The following CWC27 variants were observed in gnomAD, a reference collection of about 807,000 sequenced individuals.
The protein encoded by CWC27 is CWC27 spliceosome associated cyclophilin, also known as spliceosome-associated protein CWC27 homolog.
CWC27 carries 47 observed loss-of-function variants against 63.6 expected under a neutral mutation model. The observed-to-expected ratio is 0.74, with a 90% CI of 0.58 to 0.94. CWC27 has a LOEUF of 0.94. CWC27 is among the 40% of genes least tolerant of loss of function. The probability of loss-of-function intolerance (pLI) is 0.00; values close to 1 mark genes in which losing one functional copy is unlikely to be tolerated. For synonymous variants in CWC27, 175 were observed against 179.8 expected (o/e 0.97, Z 0.22); for missense variants, 495 against 554.3 (o/e 0.89, Z 1.07).
At chr5:64,864,674 G>A (rs931019347) in intron 10 of CWC27, among the ~76,000 whole-genome samples, 2 of 152,066 alleles carry the variant, frequency 1.3e-5, no homozygotes, top group Non-Finnish European at 2.9e-5. Flanking sequence ...TACTTAAGTT[G>A]TTTTTAGTAG....
At chr5:64,783,001 T>C (rs1338544108) in intron 3 of CWC27, among the ~76,000 whole-genome samples, 1 of 152,186 alleles carries the variant, frequency 6.6e-6, no homozygotes, top group Non-Finnish European at 1.5e-5. Flanking sequence ...AATTTGAGAT[T>C]TTTGCTTCAT....
At chr5:64,885,654 T>C in intron 11 of CWC27, 108 bp downstream of exon 11, 1 of 767,706 alleles carries the variant, frequency 1.3e-6, no homozygotes. Flanking sequence ...CTCCTTTCCT[T>C]CTCATTTTTT....
rs748298401 is a variant in CWC27 at position 65,018,318 on chromosome 5, A to C, written c.1416A>C (p.Arg472Ser). The C allele has an allele frequency of 1.9e-6, 3 of 1,589,018 alleles. No individual in the cohort carries two copies. In the South Asian group the frequency reaches 3.5e-5, roughly 19 times the overall value. The part of the protein sequence containing the change: ...KKLMREKKER[R>S] The stretch of plus-strand genomic sequence containing the variant: ...TGATGAGAGAGAAAAAAGAAAGAAG[A>C]TAAAATGAGAATAATGATAACCAGA... The change falls in exon 14 of 14, where the codon AGA becomes AGC. Residue 472 changes from arginine to serine, a missense_variant. Transcript: ENST00000381070.
At chr5:64,853,660 G>A (rs1746189236) in intron 10 of CWC27, among the ~76,000 whole-genome samples, 1 of 152,082 alleles carries the variant, frequency 6.6e-6, no homozygotes, top group African/African-American at 2.4e-5. Flanking sequence ...TACAATTATG[G>A]TGGAAGGTGA....
rs1446818925 is a variant in CWC27 at position 64,788,585 on chromosome 5, A to C, written c.600-366A>C. 2.0e-5 allele frequency among the ~76,000 whole-genome samples: 3 copies of C among 151,988 alleles called. No individual in the cohort carries two copies. The East Asian group carries it at 5.8e-4, about 29-fold the overall frequency. On this transcript the variant is annotated intron_variant, in intron 6 of 13. Coordinates refer to ENST00000381070, the MANE Select transcript of CWC27 (RefSeq NM_005869.4). The stretch of plus-strand genomic sequence containing the variant: ...CTTCCCATTTGTAGCACTCAGGGAT[A>C]TATACTTATTATTTTTCAGAAACCC...
chr5:65,005,453 T>C (rs547592825), intron 13 of CWC27, among the ~76,000 whole-genome samples: 58 of 152,084 alleles, frequency 3.8e-4, no homozygotes, highest in Admixed American at 1.5e-3. Flanking sequence ...AGACACAGCA[T>C]GCTTAACCTC....
At chr5:64,833,463 T>C (rs2112267480) in intron 10 of CWC27, among the ~76,000 whole-genome samples, 1 of 151,908 alleles carries the variant, frequency 6.6e-6, no homozygotes, top group East Asian at 1.9e-4. Context: ...AGATTATTCC[T>C]TCAGCAATTT....
intron 2 of CWC27, among the ~76,000 whole-genome samples, chr5:64,777,393 T>C (rs1371823178): frequency 6.6e-6 from 1 of 151,980 alleles, no homozygotes; most frequent in African/African-American, 2.4e-5. Flanking sequence ...GCAAGATGAG[T>C]GTTAGATAAA....
In CWC27 at chr5:65,014,454, TATTA is replaced by T. The variant is rs1750016935; in HGVS notation, c.1257-3702_1257-3699del. 2.6e-5 allele frequency among the ~76,000 whole-genome samples: 4 copies of T among 151,712 alleles called. No homozygotes were observed. In the South Asian group the frequency reaches 8.3e-4, roughly 32 times the overall value. ...GAATCTGAGCCTATGTGAAATTTTTTATTAATCAAACCTAAATTTTTGTCTTTGC... is the reference window on the plus strand; with the variant it reads ...GAATCTGAGCCTATGTGAAATTTTTTATCAAACCTAAATTTTTGTCTTTGC... On this transcript the variant is annotated intron_variant, in intron 13 of 13. Transcript: ENST00000381070.
chr5:64,789,086 T>G, intron 7 of CWC27, 66 bp downstream of exon 7: 1 of 1,047,484 alleles, frequency 9.5e-7, no homozygotes. Context: ...TTACTCACTA[T>G]TGTATCTCCT....
At chr5:64,884,907 A>G (rs1260704876) in intron 10 of CWC27, among the ~76,000 whole-genome samples, 1 of 121,760 alleles carries the variant, frequency 8.2e-6, no homozygotes, top group Non-Finnish European at 1.7e-5. Context: ...TTAAAAGGAA[A>G]TGTATATGCC....
intron 9 of CWC27, among the ~76,000 whole-genome samples, chr5:64,803,015 G>A (rs1744540455): frequency 6.6e-6 from 1 of 152,096 alleles, no homozygotes; most frequent in African/African-American, 2.4e-5. Context: ...GGCCTAGGTT[G>A]GTGGTTGTCA....
chr5:64,831,548 A>T (rs1465065542), intron 10 of CWC27, among the ~76,000 whole-genome samples: 2 of 152,084 alleles, frequency 1.3e-5, no homozygotes, highest in East Asian at 3.9e-4. Flanking sequence ...ATAGATATAG[A>T]TATTTACTTT....
intron 10 of CWC27, among the ~76,000 whole-genome samples, chr5:64,840,362 TAAAA>T (rs10534375): frequency 5.4e-4 from 12 of 22,146 alleles, no homozygotes; most frequent in East Asian, 1.7e-3. Flanking sequence ...CCTTTTTCAT[TAAAA>T]AAAAAAAAAA....
At chr5:64,792,815 A>G (rs1370798114) in intron 7 of CWC27, among the ~76,000 whole-genome samples, 1 of 152,050 alleles carries the variant, frequency 6.6e-6, no homozygotes, top group East Asian at 1.9e-4. Context: ...TTAAAACTTT[A>G]ATTTCCCCTG....
intron 10 of CWC27, among the ~76,000 whole-genome samples, chr5:64,872,086 G>C (rs1174132939): frequency 1.3e-5 from 2 of 152,090 alleles, no homozygotes; most frequent in African/African-American, 4.8e-5. Flanking sequence ...GATAAATATA[G>C]GGAGCTTGTG....
At chr5:64,841,423 C>T (rs1341859062) in intron 10 of CWC27, among the ~76,000 whole-genome samples, 1 of 152,216 alleles carries the variant, frequency 6.6e-6, no homozygotes. Context: ...TGAATTTCAA[C>T]ATGAGTTTTG....
At chr5:64,869,120 G>T (rs1746603937) in intron 10 of CWC27, among the ~76,000 whole-genome samples, 1 of 151,924 alleles carries the variant, frequency 6.6e-6, no homozygotes, top group African/African-American at 2.4e-5. Flanking sequence ...CTTCATAAAA[G>T]AAAATTTTGG....
At chr5:64,920,598 G>A (rs1178649280) in intron 11 of CWC27, among the ~76,000 whole-genome samples, 1 of 152,096 alleles carries the variant, frequency 6.6e-6, no homozygotes, top group Non-Finnish European at 1.5e-5. Context: ...GGATTTTTTG[G>A]TTGGTAGGCT....
Sources: gnomAD v4.1 joint callset for allele counts (sites outside exome capture counted in the v4.1 genomes callset) on GRCh38, gnomAD v4.1.1 for gene constraint, MANE v1.5 for transcripts, NCBI Gene and HGNC (gene_info 2026-07-23, HGNC 2026-07-21) for gene names.